GRIK1: variants seen among roughly 807,000 people sequenced by gnomAD.
GRIK1 encodes the protein glutamate ionotropic receptor kainate type subunit 1, also known as glutamate receptor ionotropic, kainate 1.
In GRIK1, 69 loss-of-function variants were observed where a neutral mutation model predicts 105.7. The ratio of observed to expected loss-of-function variants is 0.65; its 90% CI spans 0.54 to 0.80. The LOEUF (loss-of-function observed/expected upper bound fraction) is 0.80, where lower values mean the gene tolerates loss of function less well. Ranked by LOEUF, GRIK1 falls within the 30% of genes least tolerant of loss-of-function variation. The pLI, the probability that GRIK1 is intolerant of heterozygous loss-of-function variation, is 0.00. For synonymous variants in GRIK1, 438 were observed against 431.3 expected, an observed-to-expected ratio of 1.02 and a Z score of -0.19; for missense variants, 1,109 against 1,167.3, an observed-to-expected ratio of 0.95 and a Z score of 0.73.
chr21:29,553,786 C>T (rs1213413360), intron 16 of GRIK1: 1 of 975,248 alleles, frequency 1.0e-6, no homozygotes, highest in South Asian at 1.8e-5. Context: ...TGAAAATTTA[C>T]ATCACATGAA....
chr21:29,580,037 G>GTGTA (rs2090987006), intron 13 of GRIK1, among the ~76,000 whole-genome samples: 2 of 139,712 alleles, frequency 1.4e-5, no homozygotes, highest in Admixed American at 7.3e-5. Flanking sequence ...GTATATATGT[G>GTGTA]TATATATGTA....
intron 1 of GRIK1, among the ~76,000 whole-genome samples, chr21:29,772,391 C>A (rs1190001798): frequency 6.6e-6 from 1 of 152,170 alleles, no homozygotes; most frequent in East Asian, 1.9e-4. Flanking sequence ...CAGGGACAAC[C>A]GTTTCCTGCC....
At chr21:29,623,916 T>C (rs541379969) in intron 7 of GRIK1, among the ~76,000 whole-genome samples, 9 of 152,224 alleles carry the variant, frequency 5.9e-5, no homozygotes, top group Non-Finnish European at 1.2e-4. Context: ...ATTTTTGAAA[T>C]GTTTTGTTGG....
Position 29,845,527 on chromosome 21 carries a change from A to G in GRIK1, c.118+93856T>C, listed in dbSNP as rs118145161. Among the ~76,000 whole-genome samples the G allele has an allele frequency of 4.9e-3, 745 of 152,122 alleles. 1 individual carries two copies. Among genetic ancestry groups the G allele is most frequent in the Non-Finnish European group, 7.9e-3 (540 of 67,990 alleles). Reference sequence around the variant, plus strand: ...CTCTCATTTCTTTGTTAATTATATTAACTCCCTTCCTTGTTTTTTTCTTAT... The same window carrying G: ...CTCTCATTTCTTTGTTAATTATATTGACTCCCTTCCTTGTTTTTTTCTTAT... On this transcript the variant is annotated intron_variant, in intron 1 of 17. Transcript: ENST00000327783.
chr21:29,810,063 T>A (rs1416052977), intron 1 of GRIK1, among the ~76,000 whole-genome samples: 1 of 152,094 alleles, frequency 6.6e-6, no homozygotes, highest in East Asian at 1.9e-4. Context: ...TTTGGAAGGC[T>A]GAGATGGGTG....
chr21:29,906,350 T>C (rs1269489971), intron 1 of GRIK1, among the ~76,000 whole-genome samples: 3 of 152,172 alleles, frequency 2.0e-5, no homozygotes, highest in Admixed American at 2.0e-4. Flanking sequence ...TTAGAAAACC[T>C]CTTTATGAAT....
At chr21:29,564,473 G>A (rs2090566001) in intron 14 of GRIK1, among the ~76,000 whole-genome samples, 1 of 152,192 alleles carries the variant, frequency 6.6e-6, no homozygotes, top group African/African-American at 2.4e-5. Context: ...TTATTAAAAC[G>A]AGTGTTGTAA....
intron 7 of GRIK1, among the ~76,000 whole-genome samples, chr21:29,639,745 G>T (rs1474045872): frequency 6.6e-6 from 1 of 152,174 alleles, no homozygotes; most frequent in East Asian, 1.9e-4. Context: ...CTTTTCAAGG[G>T]TGTTATCCCT....
chr21:29,699,929 G>A (rs147941991), intron 1 of GRIK1, among the ~76,000 whole-genome samples: 1,726 of 152,230 alleles, frequency 0.011, 33 homozygotes, highest in African/African-American at 0.039. Context: ...GATTACAGGC[G>A]TGAGCCACCG....
chr21:29,839,112 C>T (rs1433195187), intron 1 of GRIK1, among the ~76,000 whole-genome samples: 4 of 152,108 alleles, frequency 2.6e-5, no homozygotes, highest in South Asian at 2.1e-4. Flanking sequence ...TGCAGTGGTG[C>T]GATCTTGGCT....
intron 1 of GRIK1, among the ~76,000 whole-genome samples, chr21:29,726,241 A>G (rs910812871): frequency 6.6e-6 from 1 of 152,230 alleles, no homozygotes; most frequent in Non-Finnish European, 1.5e-5. Context: ...TTTCAAGGCC[A>G]GAATATTTAA....
At chr21:29,552,211 G>A (rs1034860849) in intron 16 of GRIK1, among the ~76,000 whole-genome samples, 1 of 152,048 alleles carries the variant, frequency 6.6e-6, no homozygotes, top group Non-Finnish European at 1.5e-5. Context: ...CTACTTCAAG[G>A]AAGTGCTTTA....
chr21:29,831,475 G>C lies in GRIK1; in HGVS notation c.118+107908C>G, dbSNP rs553193217. On this transcript the variant is annotated intron_variant, in intron 1 of 17. Transcript: ENST00000327783. Reference sequence around the variant, plus strand: ...ATTTATAAAGAAAAAAGGCTTAATTGACTCATGGTTCAACAGAAAGCATGG... The same window carrying C: ...ATTTATAAAGAAAAAAGGCTTAATTCACTCATGGTTCAACAGAAAGCATGG... Among the ~76,000 whole-genome samples, 3 of 152,270 alleles carry C rather than the reference G, an allele frequency of 2.0e-5. No homozygotes were observed. The East Asian group carries it at 5.8e-4, about 29-fold the overall frequency.
At chr21:29,804,693 T>G (rs2066813275) in intron 1 of GRIK1, among the ~76,000 whole-genome samples, 1 of 152,294 alleles carries the variant, frequency 6.6e-6, no homozygotes, top group East Asian at 1.9e-4. Flanking sequence ...TAAAAAGTTA[T>G]AAAAATATGA....
intron 1 of GRIK1, among the ~76,000 whole-genome samples, chr21:29,716,332 G>C (rs554842871): frequency 1.3e-5 from 2 of 152,284 alleles, no homozygotes; most frequent in Non-Finnish European, 2.9e-5. Flanking sequence ...AAGCAACTTT[G>C]GGACTGGATA....
chr21:29,925,321 T>C (rs2071328857), intron 1 of GRIK1, among the ~76,000 whole-genome samples: 1 of 152,200 alleles, frequency 6.6e-6, no homozygotes, highest in South Asian at 2.1e-4. Context: ...CAGCCGCAGA[T>C]ACAATTTTCT....
chr21:29,823,195 A>G (rs2067353057), intron 1 of GRIK1, among the ~76,000 whole-genome samples: 1 of 152,038 alleles, frequency 6.6e-6, no homozygotes, highest in South Asian at 2.1e-4. Flanking sequence ...GTATTTAAAT[A>G]TGTATATAAA....
chr21:29,670,766 A>T (rs892338439), intron 4 of GRIK1, among the ~76,000 whole-genome samples: 1 of 152,198 alleles, frequency 6.6e-6, no homozygotes, highest in African/African-American at 2.4e-5. Context: ...CACACACTTC[A>T]TTACACCCTT....
chr21:29,773,589 A>G (rs894944325), intron 1 of GRIK1, among the ~76,000 whole-genome samples: 1 of 152,188 alleles, frequency 6.6e-6, no homozygotes, highest in Non-Finnish European at 1.5e-5. Flanking sequence ...GGCAGTAACT[A>G]GATCATCCCG....
Sources: gnomAD v4.1 joint callset for allele counts (sites outside exome capture counted in the v4.1 genomes callset) on GRCh38, gnomAD v4.1.1 for gene constraint, MANE v1.5 for transcripts, NCBI Gene and HGNC (gene_info 2026-07-23, HGNC 2026-07-21) for gene names.